The following ST8SIA5 variants were observed in gnomAD, a reference collection of about 807,000 sequenced individuals.
The protein encoded by ST8SIA5 is ST8 alpha-N-acetyl-neuraminide alpha-2,8-sialyltransferase 5.
ST8SIA5 carries 24 observed loss-of-function variants against 40.2 expected under a neutral mutation model. The observed-to-expected ratio is 0.60, with a 90% CI of 0.43 to 0.84. The LOEUF (loss-of-function observed/expected upper bound fraction) is 0.84, where lower values mean the gene tolerates loss of function less well. Ranked by LOEUF, ST8SIA5 falls within the 40% of genes least tolerant of loss-of-function variation. ST8SIA5 has a pLI of 0.00. For missense variants in ST8SIA5, 465 were observed against 498.5 expected, an observed-to-expected ratio of 0.93 and a Z score of 0.64; for synonymous variants, 198 against 201.8, an observed-to-expected ratio of 0.98 and a Z score of 0.16.
chr18:46,755,548 T>C (rs963665369), intron 1 of ST8SIA5, among the ~76,000 whole-genome samples: 1 of 152,080 alleles, frequency 6.6e-6, no homozygotes, highest in Non-Finnish European at 1.5e-5. Flanking sequence ...AGTGTTTCCT[T>C]AAGCCAGCAG....
chr18:46,704,151 C>A (rs7229344), intron 2 of ST8SIA5, among the ~76,000 whole-genome samples: 14,499 of 152,116 alleles, frequency 0.095, 930 homozygotes, highest in African/African-American at 0.17. Context: ...TTTAAAAATC[C>A]AAACTTTTAA....
chr18:46,699,615 G>A (rs1272186354), intron 2 of ST8SIA5, among the ~76,000 whole-genome samples: 11 of 152,122 alleles, frequency 7.2e-5, no homozygotes, highest in African/African-American at 1.7e-4. Flanking sequence ...TCCTGACCTC[G>A]TGATCCACCC....
At chr18:46,699,987 G>A (rs896861439) in intron 2 of ST8SIA5, among the ~76,000 whole-genome samples, 1 of 152,216 alleles carries the variant, frequency 6.6e-6, no homozygotes, top group Non-Finnish European at 1.5e-5. Context: ...GAAAAATGGG[G>A]AAGGGTGACA....
intron 1 of ST8SIA5, among the ~76,000 whole-genome samples, chr18:46,719,726 C>CTTTCTCTCTT (rs375255602): frequency 8.9e-5 from 13 of 146,618 alleles, no homozygotes; most frequent in Admixed American, 7.6e-4. Flanking sequence ...TTCTCTCTTT[C>CTTTCTCTCTT]TCTCTCTTCT....
At chr18:46,680,567 C>G in intron 6 of ST8SIA5, 57 bp from the exon 7 acceptor site, 1 of 1,483,774 alleles carries the variant, frequency 6.7e-7, no homozygotes, top group African/African-American at 1.4e-5. Context: ...TCAGGCCCCT[C>G]GCTTCCCCAC....
chr18:46,732,246 G>A (rs1356910951), intron 1 of ST8SIA5, among the ~76,000 whole-genome samples: 1 of 152,224 alleles, frequency 6.6e-6, no homozygotes, highest in Non-Finnish European at 1.5e-5. Context: ...GAGAGGTAGA[G>A]TGCACCATCA....
At chr18:46,710,837 C>A (rs2039724787) in intron 1 of ST8SIA5, among the ~76,000 whole-genome samples, 1 of 152,164 alleles carries the variant, frequency 6.6e-6, no homozygotes, top group African/African-American at 2.4e-5. Flanking sequence ...TCCCAGCAAC[C>A]ACTGGCTGCT....
chr18:46,680,622 G>A lies in ST8SIA5; in HGVS notation c.663-112C>T. 5 of 1,106,730 alleles carry A rather than the reference G, an allele frequency of 4.5e-6. No individual in the cohort carries two copies. In the East Asian group the frequency reaches 1.3e-4, roughly 29 times the overall value. 68.6% of individuals were successfully genotyped at this position (1,106,730 alleles called of 1,614,324 possible). On this transcript the variant is annotated intron_variant, in intron 6 of 6. Coordinates refer to ENST00000315087, the MANE Select transcript of ST8SIA5 (RefSeq NM_013305.6). ...GCAAAGGACGGAAGGGACTCATAAG[G>A]CCACCTGCCTCCTGACACCTCACGC...
At position 46,680,522 on chromosome 18, in the gene ST8SIA5, G is replaced by A. The variant is rs377186076; in HGVS notation, c.663-12C>T. On this transcript the variant is annotated splice_polypyrimidine_tract_variant and intron_variant, in intron 6 of 6. Transcript: ENST00000315087. ...CCAGCTTGTGGAACCTACACAGGGC[G>A]CGAGTGAGAGGTGAGCACCCACTCC... 34 of 1,560,520 alleles carry A rather than the reference G, an allele frequency of 2.2e-5. No individual in the cohort carries two copies. The highest frequency in any genetic ancestry group is 2.6e-5 in the Non-Finnish European group (30 of 1,149,288).
chr18:46,690,613 CTT>C (rs34766517), intron 3 of ST8SIA5, among the ~76,000 whole-genome samples: 5 of 116,946 alleles, frequency 4.3e-5, no homozygotes, highest in Admixed American at 9.4e-5. Context: ...GCTGCTGAGA[CTT>C]TTTTTTTTTT....
chr18:46,704,719 C>T, intron 1 of ST8SIA5, 55 bp from the exon 2 acceptor site: 1 of 1,427,412 alleles, frequency 7.0e-7, no homozygotes, highest in Non-Finnish European at 9.9e-7. Flanking sequence ...TGTCCAGGGC[C>T]TGCAGGGGCT....
At chr18:46,702,510 T>C (rs71364562) in intron 2 of ST8SIA5, among the ~76,000 whole-genome samples, 15,162 of 152,138 alleles carry the variant, frequency 0.1, 1,051 homozygotes, top group East Asian at 0.19. Context: ...GCAGCTTCCG[T>C]GTCTTCCCCG....
chr18:46,714,686 G>A (rs988132638), intron 1 of ST8SIA5, among the ~76,000 whole-genome samples: 1 of 152,152 alleles, frequency 6.6e-6, no homozygotes, highest in African/African-American at 2.4e-5. Flanking sequence ...TGAGCAGGGG[G>A]GGAAGAGACC....
chr18:46,691,256 A>G (rs1005742015), intron 3 of ST8SIA5, among the ~76,000 whole-genome samples: 1 of 152,226 alleles, frequency 6.6e-6, no homozygotes, highest in East Asian at 1.9e-4. Flanking sequence ...CACTTTAAAC[A>G]TTCGCATTTC....
In ST8SIA5 at chr18:46,679,077, A is replaced by T. The variant is rs1379792218; in HGVS notation, c.*965T>A. ...TTCCAGCCCAGAGCCTATGGTTCCG[A>T]CTGAGGAACACGATACAGCAGGATT... On this transcript the variant is annotated 3_prime_UTR_variant, in exon 7 of 7. Coordinates refer to ENST00000315087, the MANE Select transcript of ST8SIA5 (RefSeq NM_013305.6). The T allele has an allele frequency of 6.6e-6, 1 of 152,234 alleles. No individual in the cohort carries two copies. Among genetic ancestry groups the T allele is most frequent in the African/African-American group, 2.4e-5 (1 of 41,444 alleles). 9.4% of individuals were successfully genotyped at this position (152,234 alleles called of 1,614,324 possible).
chr18:46,752,240 T>C (rs1490573878), intron 1 of ST8SIA5, among the ~76,000 whole-genome samples: 1 of 152,116 alleles, frequency 6.6e-6, no homozygotes, highest in Non-Finnish European at 1.5e-5. Context: ...ACAGTGATTT[T>C]CTCTGGCGCC....
At chr18:46,735,707 G>A (rs2040027353) in intron 1 of ST8SIA5, among the ~76,000 whole-genome samples, 1 of 152,056 alleles carries the variant, frequency 6.6e-6, no homozygotes, top group African/African-American at 2.4e-5. Context: ...CAACTTCCTG[G>A]GTCCAAGCAA....
rs567172201 is a variant in ST8SIA5, at chr18:46,740,699, T to C, written c.131+15679A>G. On this transcript the variant is annotated intron_variant, in intron 1 of 6. Coordinates refer to ENST00000315087, the MANE Select transcript of ST8SIA5 (RefSeq NM_013305.6). ...ATTAGAAAATAATTGGAATTCAAGA[T>C]ATTGAAAATACATCTGGTATTTACT... Among the ~76,000 whole-genome samples, 75 of 152,296 alleles carry C rather than the reference T, an allele frequency of 4.9e-4. 1 individual carries two copies. The Middle Eastern group carries it at 0.014, about 28-fold the overall frequency.
intron 1 of ST8SIA5, among the ~76,000 whole-genome samples, chr18:46,756,116 G>A (rs1423854571): frequency 3.3e-5 from 5 of 152,208 alleles, no homozygotes; most frequent in Admixed American, 6.5e-5. Flanking sequence ...TCGTCAGCCT[G>A]GTTGCTTGGA....
Sources: allele counts gnomAD v4.1 joint callset (sites outside exome capture counted in the v4.1 genomes callset), GRCh38; gene constraint gnomAD v4.1.1; transcripts MANE v1.5; gene names NCBI Gene and HGNC (gene_info 2026-07-23, HGNC 2026-07-21).